The following USP31 variants were observed in gnomAD, a reference collection of about 807,000 sequenced individuals.
USP31 encodes the protein ubiquitin specific peptidase 31.
In USP31, 44 loss-of-function variants were observed where a neutral mutation model predicts 119.4. That is an observed-to-expected ratio of 0.37 (90% CI 0.29 to 0.47). The LOEUF (loss-of-function observed/expected upper bound fraction) is 0.47. Ranked by LOEUF, USP31 falls within the 20% of genes least tolerant of loss-of-function variation. The pLI, the probability that USP31 is intolerant of heterozygous loss-of-function variation, is 0.99. For missense variants in USP31, 1,643 were observed against 1,730.2 expected, an observed-to-expected ratio of 0.95 and a Z score of 0.89; for synonymous variants, 749 against 705.6, an observed-to-expected ratio of 1.06 and a Z score of -0.97.
At chr16:23,130,733 G>A (rs1196246683) in intron 1 of USP31, among the ~76,000 whole-genome samples, 3 of 152,090 alleles carry the variant, frequency 2.0e-5, no homozygotes, top group African/African-American at 7.2e-5. Context: ...AAAATCCTAG[G>A]TGTGGTCTGA....
chr16:23,070,547 A>G (rs1900302067), intron 15 of USP31, among the ~76,000 whole-genome samples: 1 of 152,078 alleles, frequency 6.6e-6, no homozygotes, highest in Non-Finnish European at 1.5e-5. Context: ...CCCCGTCTCT[A>G]CTAAAAATAC....
intron 12 of USP31, among the ~76,000 whole-genome samples, chr16:23,081,904 G>A (rs562962543): frequency 1.3e-5 from 2 of 152,232 alleles, no homozygotes; most frequent in African/African-American, 2.4e-5. Context: ...CAAACTAAGA[G>A]CCAGGCCTTG....
intron 1 of USP31, among the ~76,000 whole-genome samples, chr16:23,109,273 T>C (rs992945300): frequency 5.3e-5 from 8 of 152,084 alleles, no homozygotes; most frequent in African/African-American, 1.7e-4. Context: ...TTTTCCAATA[T>C]AAAACTAGGG....
At position 23,098,312 on chromosome 16, in the gene USP31, T is replaced by C. The variant is rs556922867; in HGVS notation, c.1234+4007A>G. 8.3e-4 allele frequency among the ~76,000 whole-genome samples: 126 copies of C among 152,048 alleles called. 1 individual carries two copies. The East Asian group carries it at 0.022, about 26-fold the overall frequency. On this transcript the variant is annotated intron_variant, in intron 6 of 15. Transcript: ENST00000219689. ...AGGAGAACTACAAACCACTGCTCAATGAAATAAAAGAGGACACAAACAAAT... is the reference window on the plus strand; with the variant it reads ...AGGAGAACTACAAACCACTGCTCAACGAAATAAAAGAGGACACAAACAAAT...
intron 15 of USP31, 117 bp from the exon 16 acceptor site, chr16:23,069,733 T>C (rs1426131736): frequency 3.0e-6 from 4 of 1,347,136 alleles, no homozygotes; most frequent in Non-Finnish European, 3.0e-6. Context: ...AGCATGACCT[T>C]CAGAGCCAGC....
At position 23,082,573 on chromosome 16, in the gene USP31, T is replaced by G. The variant is rs773046376; in HGVS notation, c.1831-16A>C. 10 of 1,613,742 alleles carry G rather than the reference T, an allele frequency of 6.2e-6. No homozygotes were observed. The highest frequency in any genetic ancestry group is 7.6e-6 in the Non-Finnish European group (9 of 1,179,994). On this transcript the variant is annotated splice_polypyrimidine_tract_variant and intron_variant, in intron 11 of 15. Coordinates refer to ENST00000219689, the MANE Select transcript of USP31 (RefSeq NM_020718.4). ...CGGGGGCAAGCTGAAAACAGAAGCA[T>G]GACTCCCGTTAAGTGCCACTTAATG...
intron 1 of USP31, among the ~76,000 whole-genome samples, chr16:23,116,165 C>T (rs1024462352): frequency 1.3e-5 from 2 of 151,968 alleles, no homozygotes. Context: ...GATTCTATGC[C>T]AGAAGAAACA....
rs1291568026 is a variant in USP31, at chr16:23,148,860, G to A, written c.411C>T (p.Cys137=). The A allele has an allele frequency of 4.6e-6, 7 of 1,517,480 alleles. No individual in the cohort carries two copies. Among genetic ancestry groups the A allele is most frequent in the Admixed American group, 2.1e-5 (1 of 47,924 alleles). The allele number at this position is 1,517,480 out of a possible 1,614,324, so 94.0% of individuals were successfully genotyped here. Reference sequence around the variant, plus strand: ...GGCACTGCAGCGTGGCGTTCATGAAGCACGTGTTGCCGTGGTTGCGGAGCC... The same window carrying A: ...GGCACTGCAGCGTGGCGTTCATGAAACACGTGTTGCCGTGGTTGCGGAGCC... ...VAGLRNHGNT[C]FMNATLQCLS... Residue 137 remains cysteine, a synonymous_variant, in exon 1 of 16, where the codon TGC becomes TGT. Coordinates refer to ENST00000219689, the MANE Select transcript of USP31 (RefSeq NM_020718.4).
intron 6 of USP31, among the ~76,000 whole-genome samples, chr16:23,100,818 T>C (rs944798576): frequency 6.6e-6 from 1 of 151,978 alleles, no homozygotes; most frequent in Non-Finnish European, 1.5e-5. Context: ...GGAAGGTACC[T>C]TGGGAAAACA....
At chr16:23,119,089 T>C (rs992155774) in intron 1 of USP31, among the ~76,000 whole-genome samples, 1 of 150,848 alleles carries the variant, frequency 6.6e-6, no homozygotes, top group Non-Finnish European at 1.5e-5. Flanking sequence ...TTCAAAGTTA[T>C]CACTCTTCTT....
At chr16:23,135,348 T>C (rs916142946) in intron 1 of USP31, among the ~76,000 whole-genome samples, 3 of 151,702 alleles carry the variant, frequency 2.0e-5, no homozygotes, top group East Asian at 3.9e-4. Flanking sequence ...CCAGAGCAAT[T>C]AGGCAAGAAA....
chr16:23,090,905 G>T, intron 6 of USP31, 101 bp from the exon 7 acceptor site: 4 of 1,123,058 alleles, frequency 3.6e-6, no homozygotes, highest in Non-Finnish European at 3.6e-6. Context: ...TTTTAAAAAT[G>T]TCATTATGTA....
In USP31 at chr16:23,079,927, A is replaced by G. The variant is rs199765750; in HGVS notation, c.2176+19T>C. The G allele has an allele frequency of 7.2e-4, 1,124 of 1,572,004 alleles. 2 individuals carry two copies. Among genetic ancestry groups the G allele is most frequent in the Non-Finnish European group, 8.7e-4 (1,006 of 1,160,844 alleles). On this transcript the variant is annotated intron_variant, in intron 13 of 15. Coordinates refer to ENST00000219689, the MANE Select transcript of USP31 (RefSeq NM_020718.4). ...GAAGGACTCGCCAGCACAGACACGC[A>G]GCCTCTCACACTGCAGACCTGTGTA...
chr16:23,084,070 C>T (rs1900980339), intron 11 of USP31, among the ~76,000 whole-genome samples: 1 of 152,130 alleles, frequency 6.6e-6, no homozygotes, highest in African/African-American at 2.4e-5. Context: ...ACCCAACCAC[C>T]AGAATAAAAG....
Position 23,069,036 on chromosome 16 carries a change from A to C in USP31, c.3069T>G (p.Thr1023=). The change falls in exon 16 of 16, where the codon ACT becomes ACG. Residue 1023 remains threonine, a synonymous_variant. Coordinates refer to ENST00000219689, the MANE Select transcript of USP31 (RefSeq NM_020718.4). The part of the protein sequence containing the change: ...GSLAKKPEST[T]KRSPSSKGTS... ...TGCCTTTGGAACTGGGGGATCTCTTAGTTGTGCTCTCTGGTTTCTTTGCGA... is the reference window on the plus strand; with the variant it reads ...TGCCTTTGGAACTGGGGGATCTCTTCGTTGTGCTCTCTGGTTTCTTTGCGA... 1 of 1,613,218 alleles carries C rather than the reference A, an allele frequency of 6.2e-7. No homozygotes were observed. The highest frequency in any genetic ancestry group is 8.5e-7 in the Non-Finnish European group (1 of 1,180,002).
Position 23,068,149 on chromosome 16 carries a change from CCA to C in USP31, c.3954_3955del (p.Gly1319SerfsTer21). ...CCTGCCACCCGGAGACGAGGGAACTCCAGAGTCTAGTTGGGAAGACTTGGATT... is the reference window on the plus strand; with the variant it reads ...CCTGCCACCCGGAGACGAGGGAACTCGAGTCTAGTTGGGAAGACTTGGATT... On this transcript the variant is annotated frameshift_variant, in exon 16 of 16. Coordinates refer to ENST00000219689, the MANE Select transcript of USP31 (RefSeq NM_020718.4). LOFTEE classifies it high-confidence loss of function. The C allele has an allele frequency of 6.2e-7, 1 of 1,614,200 alleles. No individual in the cohort carries two copies. Among genetic ancestry groups the C allele is most frequent in the Non-Finnish European group, 8.5e-7 (1 of 1,180,038 alleles).
rs1900015188 is a variant in USP31, at chr16:23,065,181, A to G, written c.*2865T>C. On this transcript the variant is annotated 3_prime_UTR_variant, in exon 16 of 16. Transcript: ENST00000219689. ...AGATACAACATTACTGTTGGTGATT[A>G]TTTTGTGCCTACCAGGAGATGACTG... 1 of 152,150 alleles carries G rather than the reference A, an allele frequency of 6.6e-6. No individual in the cohort carries two copies. Among genetic ancestry groups the G allele is most frequent in the African/African-American group, 2.4e-5 (1 of 41,412 alleles). 9.4% of individuals were successfully genotyped at this position (152,150 alleles called of 1,614,324 possible).
intron 1 of USP31, among the ~76,000 whole-genome samples, chr16:23,116,198 T>C (rs1238011881): frequency 6.6e-6 from 1 of 152,072 alleles, no homozygotes; most frequent in East Asian, 1.9e-4. Context: ...CCAGTGATCA[T>C]GGACAAAAAC....
At chr16:23,120,167 A>G (rs1902620524) in intron 1 of USP31, among the ~76,000 whole-genome samples, 1 of 152,210 alleles carries the variant, frequency 6.6e-6, no homozygotes, top group Admixed American at 6.5e-5. Context: ...GAAGGGGGGA[A>G]ATTTTGACTT....
Sources: gnomAD v4.1 joint callset for allele counts (sites outside exome capture counted in the v4.1 genomes callset) on GRCh38, gnomAD v4.1.1 for gene constraint, MANE v1.5 for transcripts, NCBI Gene and HGNC (gene_info 2026-07-23, HGNC 2026-07-21) for gene names.